Variants in PLCL1 observed in about 807,000 individuals in gnomAD.
PLCL1 encodes inactive phospholipase C-like protein 1.
PLCL1 carries 41 observed loss-of-function variants against 84.4 expected under a neutral mutation model. The ratio of observed to expected loss-of-function variants is 0.49; its 90% CI spans 0.38 to 0.63. PLCL1 has a LOEUF of 0.63. Ranked by LOEUF, PLCL1 falls within the 30% of genes least tolerant of loss-of-function variation. The pLI is 0.00. For missense variants in PLCL1, 1,206 were observed against 1,367.8 expected, an observed-to-expected ratio of 0.88 and a Z score of 1.87; for synonymous variants, 490 against 488.3, an observed-to-expected ratio of 1.00 and a Z score of -0.05.
chr2:197,964,313 GT>G (rs1293800972), intron 1 of PLCL1, among the ~76,000 whole-genome samples: 42 of 151,798 alleles, frequency 2.8e-4, no homozygotes, highest in African/African-American at 1.0e-3. Flanking sequence ...AGATCTTTCA[GT>G]TTTTTGGTTA....
rs577327618 is a variant in PLCL1, at chr2:197,964,153, A to G, written c.241-119605A>G. ...TGTGAAGAATGTCATTGGTATTTTG[A>G]TAGAGATGGCATTGAATCTGTAGAT... is the stretch of plus-strand genomic sequence containing the variant. On this transcript the variant is annotated intron_variant, in intron 1 of 5. Coordinates refer to ENST00000428675, the MANE Select transcript of PLCL1 (RefSeq NM_006226.4). Among the ~76,000 whole-genome samples the G allele has an allele frequency of 2.1e-4, 32 of 152,174 alleles. No homozygotes were observed. In the South Asian group the frequency reaches 5.6e-3, roughly 27 times the overall value.
chr2:198,024,626 GGTGACACATGCCTGTGATCCCT>G (rs1574254905), intron 1 of PLCL1, among the ~76,000 whole-genome samples: 1 of 152,034 alleles, frequency 6.6e-6, no homozygotes, highest in African/African-American at 2.4e-5. Flanking sequence ...AGCAAGGTGT[GGTGACACATGCCTGTGATCCCT>G]GCTACTCCAG....
intron 1 of PLCL1, among the ~76,000 whole-genome samples, chr2:197,811,311 A>G (rs902793664): frequency 6.0e-4 from 92 of 152,252 alleles, no homozygotes; most frequent in African/African-American, 2.2e-3. Context: ...CAACAAAATC[A>G]TAGTATGACG....
intron 1 of PLCL1, among the ~76,000 whole-genome samples, chr2:197,908,001 A>G (rs2105743413): frequency 6.6e-6 from 1 of 152,270 alleles, no homozygotes. Flanking sequence ...CTATCATCTG[A>G]CGTGAGTGAT....
At position 197,933,117 on chromosome 2, in the gene PLCL1, A is replaced by G. The variant is rs576613543; in HGVS notation, c.240+127778A>G. Among the ~76,000 whole-genome samples the G allele has an allele frequency of 1.4e-3, 214 of 152,312 alleles. 1 individual carries two copies. Among genetic ancestry groups the G allele is most frequent in the East Asian group, 7.7e-4 (4 of 5,192 alleles). ...AAGAGAATTTTAAAAAATTTCAGTG[A>G]GTGTGGTGGGCACTATATCCTAGTT... On this transcript the variant is annotated intron_variant, in intron 1 of 5. Coordinates refer to ENST00000428675, the MANE Select transcript of PLCL1 (RefSeq NM_006226.4).
At chr2:198,056,259 G>A (rs1417355300) in intron 1 of PLCL1, among the ~76,000 whole-genome samples, 1 of 152,100 alleles carries the variant, frequency 6.6e-6, no homozygotes. Flanking sequence ...TCATCAGGAA[G>A]GCTTTTGGTT....
intron 1 of PLCL1, among the ~76,000 whole-genome samples, chr2:197,970,384 C>T (rs911210300): frequency 1.3e-5 from 2 of 152,152 alleles, no homozygotes; most frequent in Non-Finnish European, 2.9e-5. Context: ...TTAAAGGTGC[C>T]ACCTCTTAAT....
chr2:198,090,504 A>G (rs1200824327), intron 3 of PLCL1, among the ~76,000 whole-genome samples: 1 of 152,220 alleles, frequency 6.6e-6, no homozygotes, highest in Non-Finnish European at 1.5e-5. Context: ...AACAAGTAGA[A>G]GAAAGATATT....
chr2:197,911,327 A>C (rs1296195381), intron 1 of PLCL1, among the ~76,000 whole-genome samples: 3 of 152,070 alleles, frequency 2.0e-5, no homozygotes, highest in Non-Finnish European at 4.4e-5. Flanking sequence ...ACAGAGTGTG[A>C]CCCTGTCTCA....
chr2:197,845,078 A>G (rs756247473), intron 1 of PLCL1, among the ~76,000 whole-genome samples: 9 of 152,100 alleles, frequency 5.9e-5, no homozygotes, highest in Non-Finnish European at 1.0e-4. Flanking sequence ...TTAACAAGTT[A>G]TTCAGCCTTA....
chr2:198,101,337 A>C lies in PLCL1; in HGVS notation c.2972A>C (p.Lys991Thr). The change falls in exon 4 of 6, where the codon AAG becomes ACG. Residue 991 changes from lysine (K) to threonine (T), a missense_variant. Lys to Thr is a moderately conservative substitution (Grantham distance 78, BLOSUM62 -1). Transcript: ENST00000428675. ...LIEMADTVQE[K>T]IVQCQKAGME... ...GAAATGGCGGACACAGTCCAGGAAA[A>C]GATTGTACAGTGTCAGAAAGCAGGT... The C allele has an allele frequency of 6.3e-7, 1 of 1,583,314 alleles. No individual in the cohort carries two copies. Among genetic ancestry groups the C allele is most frequent in the Non-Finnish European group, 8.7e-7 (1 of 1,155,162 alleles).
chr2:197,954,031 A>T (rs1429418841), intron 1 of PLCL1, among the ~76,000 whole-genome samples: 1 of 152,046 alleles, frequency 6.6e-6, no homozygotes, highest in Admixed American at 6.6e-5. Context: ...GTTTGTTTTT[A>T]AAAAATTTTC....
chr2:198,111,360 A>C (rs73984511), intron 5 of PLCL1, among the ~76,000 whole-genome samples: 3,321 of 151,886 alleles, frequency 0.022, 110 homozygotes, highest in African/African-American at 0.076. Flanking sequence ...TTCCACTCAC[A>C]TTTGACTGGT....
rs80009721 is a variant in PLCL1 at position 198,065,295 on chromosome 2, A to G, written c.241-18463A>G. ...CAAGGGGTACTCTCAATCCAGGATG[A>G]GTAAGGCTTTCAACTTTCCAGACCA... On this transcript the variant is annotated intron_variant, in intron 1 of 5. Coordinates refer to ENST00000428675, the MANE Select transcript of PLCL1 (RefSeq NM_006226.4). 3.3e-3 allele frequency among the ~76,000 whole-genome samples: 506 copies of G among 152,294 alleles called. 2 individuals carry two copies. Among genetic ancestry groups the G allele is most frequent in the African/African-American group, 0.011 (476 of 41,558 alleles).
chr2:198,015,572 A>G (rs1489059789), intron 1 of PLCL1, among the ~76,000 whole-genome samples: 3 of 152,188 alleles, frequency 2.0e-5, no homozygotes, highest in African/African-American at 7.2e-5. Flanking sequence ...TGTGGAAATG[A>G]CTTATTCATT....
intron 1 of PLCL1, among the ~76,000 whole-genome samples, chr2:198,018,301 C>T (rs969243950): frequency 6.6e-5 from 10 of 152,262 alleles, no homozygotes; most frequent in East Asian, 3.9e-4. Flanking sequence ...CAAAACTGGG[C>T]GGCTGTTTGG....
At chr2:197,950,119 T>C (rs1689359540) in intron 1 of PLCL1, among the ~76,000 whole-genome samples, 1 of 152,156 alleles carries the variant, frequency 6.6e-6, no homozygotes, top group African/African-American at 2.4e-5. Context: ...CTTGACAAAA[T>C]TTAGGGTTCT....
chr2:197,942,981 A>T (rs2105775935), intron 1 of PLCL1, among the ~76,000 whole-genome samples: 1 of 152,194 alleles, frequency 6.6e-6, no homozygotes, highest in East Asian at 1.9e-4. Context: ...CCCAGCTGGG[A>T]GGATTGCTTG....
At chr2:197,879,733 AC>A (rs1256090218) in intron 1 of PLCL1, among the ~76,000 whole-genome samples, 1 of 152,026 alleles carries the variant, frequency 6.6e-6, no homozygotes, top group Non-Finnish European at 1.5e-5. Context: ...GTTCCAAACA[AC>A]CCTTTCTGGT....
Sources: allele counts gnomAD v4.1 joint callset (sites outside exome capture counted in the v4.1 genomes callset), GRCh38; gene constraint gnomAD v4.1.1; transcripts MANE v1.5; gene names NCBI Gene and HGNC (gene_info 2026-07-23, HGNC 2026-07-21).